Variants in PSMB7 observed in about 807,000 individuals in gnomAD.
The protein encoded by PSMB7 is proteasome 20S subunit beta 7.
Under a neutral mutation model 28.1 loss-of-function variants are expected in PSMB7, and 5 were observed. The ratio of observed to expected loss-of-function variants is 0.18; its 90% CI spans 0.09 to 0.37. The LOEUF is 0.37. Among genes scored for constraint, PSMB7 ranks in the 10% least tolerant of loss-of-function variants. The pLI, the probability that PSMB7 is intolerant of heterozygous loss-of-function variation, is 1.00. For synonymous variants in PSMB7, 122 were observed against 123.7 expected (o/e 0.99, Z 0.09); for missense variants, 275 against 346.2 (o/e 0.79, Z 1.63).
At chr9:124,405,492 T>G in intron 4 of PSMB7, 60 bp from the exon 5 acceptor site, 1 of 1,188,994 alleles carries the variant, frequency 8.4e-7, no homozygotes, top group East Asian at 2.3e-5. Context: ...CACTGTAACT[T>G]AGCCAAAAGT....
intron 7 of PSMB7, among the ~76,000 whole-genome samples, chr9:124,354,999 G>A (rs1488509944): frequency 6.6e-6 from 1 of 152,276 alleles, no homozygotes; most frequent in Non-Finnish European, 1.5e-5. Context: ...GCAGGGACTT[G>A]CCAGGCAAGG....
chr9:124,397,696 T>C (rs1352987019), intron 5 of PSMB7, among the ~76,000 whole-genome samples: 3 of 152,248 alleles, frequency 2.0e-5, no homozygotes, highest in Admixed American at 6.5e-5. Context: ...ACAATCTAAC[T>C]AAAACATGAG....
chr9:124,391,875 C>T (rs745329056), intron 5 of PSMB7, among the ~76,000 whole-genome samples: 22 of 152,166 alleles, frequency 1.4e-4, no homozygotes, highest in Non-Finnish European at 2.6e-4. Flanking sequence ...ACTCAACAAA[C>T]TTAGCAATTC....
intron 2 of PSMB7, among the ~76,000 whole-genome samples, chr9:124,414,442 T>G (rs367793833): frequency 6.6e-6 from 1 of 152,140 alleles, no homozygotes; most frequent in East Asian, 1.9e-4. Flanking sequence ...TTATCTCCAT[T>G]TGATGCATCT....
intron 6 of PSMB7, among the ~76,000 whole-genome samples, chr9:124,361,794 C>G (rs1194634468): frequency 6.6e-6 from 1 of 152,184 alleles, no homozygotes. Flanking sequence ...ATTTTGTAGA[C>G]ACTCACAAAC....
intron 6 of PSMB7, among the ~76,000 whole-genome samples, chr9:124,357,832 G>A (rs1830427303): frequency 6.6e-6 from 1 of 152,202 alleles, no homozygotes; most frequent in Non-Finnish European, 1.5e-5. Context: ...GCAGGGTAAG[G>A]CTGGCTAAAG....
chr9:124,387,170 C>G (rs925101432), intron 5 of PSMB7, among the ~76,000 whole-genome samples: 2 of 152,050 alleles, frequency 1.3e-5, no homozygotes, highest in African/African-American at 4.8e-5. Flanking sequence ...GGCATGAACC[C>G]GGGAGGCAGA....
chr9:124,358,004 T>C (rs943873001), intron 6 of PSMB7, among the ~76,000 whole-genome samples: 1 of 152,132 alleles, frequency 6.6e-6, no homozygotes, highest in Non-Finnish European at 1.5e-5. Context: ...AAGCTCTATA[T>C]ACAACGAGGA....
At chr9:124,411,570 C>A (rs1403748113) in intron 4 of PSMB7, among the ~76,000 whole-genome samples, 5 of 152,224 alleles carry the variant, frequency 3.3e-5, no homozygotes, top group African/African-American at 1.2e-4. Flanking sequence ...GCCCAGGCTA[C>A]TTCTCCTAAA....
At chr9:124,358,849 C>T (rs766056663) in intron 6 of PSMB7, among the ~76,000 whole-genome samples, 5 of 152,236 alleles carry the variant, frequency 3.3e-5, no homozygotes, top group Admixed American at 6.5e-5. Context: ...TGGCAGACAT[C>T]GCGACCCTGC....
intron 6 of PSMB7, among the ~76,000 whole-genome samples, chr9:124,362,201 A>T (rs80150766): frequency 6.6e-6 from 1 of 152,272 alleles, no homozygotes; most frequent in African/African-American, 2.4e-5. Context: ...TAAAATTTTT[A>T]AAATAATTTA....
At chr9:124,363,947 C>G (rs1264680951) in intron 6 of PSMB7, among the ~76,000 whole-genome samples, 1 of 152,148 alleles carries the variant, frequency 6.6e-6, no homozygotes, top group Non-Finnish European at 1.5e-5. Flanking sequence ...CAGCCCTGGA[C>G]AGCGGGTCAC....
intron 4 of PSMB7, among the ~76,000 whole-genome samples, chr9:124,405,951 G>T (rs1425839060): frequency 2.0e-5 from 3 of 152,092 alleles, no homozygotes; most frequent in African/African-American, 7.2e-5. Context: ...CTCCCAAAGT[G>T]CTGGGATTAC....
chr9:124,358,627 A>G (rs1830437455), intron 6 of PSMB7, among the ~76,000 whole-genome samples: 1 of 152,214 alleles, frequency 6.6e-6, no homozygotes, highest in South Asian at 2.1e-4. Flanking sequence ...AAAACCAACC[A>G]CTAATTCAGC....
intron 5 of PSMB7, among the ~76,000 whole-genome samples, 166 bp downstream of exon 5, chr9:124,405,151 C>T (rs980976125): frequency 1.3e-5 from 2 of 152,160 alleles, no homozygotes; most frequent in African/African-American, 4.8e-5. Flanking sequence ...ATATAGCAAG[C>T]ACCTAGAACA....
chr9:124,374,919 T>C (rs1055250109), intron 6 of PSMB7, among the ~76,000 whole-genome samples: 3 of 151,988 alleles, frequency 2.0e-5, no homozygotes, highest in African/African-American at 4.8e-5. Flanking sequence ...AGGCGGCAGA[T>C]CACCTGAAGT....
rs143255839 is a variant in PSMB7, at chr9:124,356,792, A to G, written c.694T>C (p.Tyr232His). 8 of 1,614,048 alleles carry G rather than the reference A, an allele frequency of 5.0e-6. No individual in the cohort carries two copies. The African/African-American group carries it at 9.3e-5, about 19-fold the overall frequency. Residue 232 changes from tyrosine to histidine, a missense_variant, in exon 7 of 8, where the codon TAC becomes CAC. Physicochemically the swap from Tyr to His is moderately conservative, Grantham distance 83. Around this residue, in one of 2 missense-constraint regions of PSMB7, gnomAD observed 213 missense variants for 302.4 expected, o/e 0.70. Transcript: ENST00000259457. The surrounding 1 kb of genome is among the most constrained non-coding windows in gnomAD (Gnocchi z 4.4). ...GTCCCCTTCTTGTTGGGCACTGTGT[A>G]TGGGCGGAGAAAATCCAGCTTGTTC... ...SKNKLDFLRP[Y>H]TVPNKKGTRL...
intron 5 of PSMB7, among the ~76,000 whole-genome samples, chr9:124,386,342 C>T (rs1830718197): frequency 6.6e-6 from 1 of 152,128 alleles, no homozygotes; most frequent in African/African-American, 2.4e-5. Flanking sequence ...GGTCAAACTC[C>T]ACCAATGTTC....
rs142329076 is a variant in PSMB7, at chr9:124,356,314, GCA to G, written c.722+448_722+449del. 9.2e-5 allele frequency among the ~76,000 whole-genome samples: 14 copies of G among 152,314 alleles called. No individual in the cohort carries two copies. Among genetic ancestry groups the G allele is most frequent in the Non-Finnish European group, 1.5e-4 (10 of 68,016 alleles). ...CAATGGCACAACTCCCTGTAGCACA[GCA>G]CACACACACTAGCTCCCAAGGCCAC... On this transcript the variant is annotated intron_variant, in intron 7 of 7. Coordinates refer to ENST00000259457, the MANE Select transcript of PSMB7 (RefSeq NM_002799.4). The surrounding 1 kb of genome is among the most constrained non-coding windows in gnomAD (Gnocchi z 4.4).
Sources: allele counts gnomAD v4.1 joint callset (sites outside exome capture counted in the v4.1 genomes callset), GRCh38; gene constraint gnomAD v4.1.1; regional missense constraint gnomAD v4.1.1; non-coding constraint Gnocchi (gnomAD v3.1); transcripts MANE v1.5; gene names NCBI Gene and HGNC (gene_info 2026-07-23, HGNC 2026-07-21).